The following ASCC3 variants were observed in gnomAD, a reference collection of about 807,000 sequenced individuals.
ASCC3 encodes the protein activating signal cointegrator 1 complex subunit 3.
In ASCC3, 158 loss-of-function variants were observed where a neutral mutation model predicts 256.3. The ratio of observed to expected loss-of-function variants is 0.62; its 90% CI spans 0.54 to 0.70. The LOEUF (loss-of-function observed/expected upper bound fraction) is 0.70, where lower values mean the gene tolerates loss of function less well. ASCC3 is among the 30% of genes least tolerant of loss of function. The pLI, the probability that ASCC3 is intolerant of heterozygous loss-of-function variation, is 0.00. For missense variants in ASCC3, 2,259 were observed against 2,626.0 expected, an observed-to-expected ratio of 0.86 and a Z score of 3.05; for synonymous variants, 948 against 883.4, an observed-to-expected ratio of 1.07 and a Z score of -1.30.
intron 8 of ASCC3, among the ~76,000 whole-genome samples, chr6:100,779,187 T>C (rs1782332699): frequency 2.0e-5 from 3 of 152,096 alleles, no homozygotes; most frequent in Admixed American, 1.3e-4. Context: ...TTCATTAAAA[T>C]AGTAATCAAG....
chr6:100,628,003 A>G lies in ASCC3; in HGVS notation c.4376-16T>C. ...CTTTCCTCCCCTAGAAAATAGGGAA[A>G]AATCAATGTTAATCATTTAACAAGC... is the stretch of plus-strand genomic sequence containing the variant. On this transcript the variant is annotated splice_polypyrimidine_tract_variant and intron_variant, in intron 27 of 41. Transcript: ENST00000369162. 6.2e-7 allele frequency: 1 copy of G among 1,612,860 alleles called. No individual in the cohort carries two copies. Among genetic ancestry groups the G allele is most frequent in the Non-Finnish European group, 8.5e-7 (1 of 1,179,376 alleles).
chr6:100,527,501 T>G (rs908153481), intron 37 of ASCC3, among the ~76,000 whole-genome samples: 1 of 152,288 alleles, frequency 6.6e-6, no homozygotes, highest in Admixed American at 6.5e-5. Flanking sequence ...ATTTAAACTC[T>G]GCAATTCTAA....
chr6:100,647,526 ACT>A lies in ASCC3; in HGVS notation c.3253-77_3253-76del, dbSNP rs1482434694. ...ATTTGTCAATAAATCTATTATTCAA[ACT>A]CAGTCTGAAAAGAAGTGCAAGTCAA... On this transcript the variant is annotated intron_variant, in intron 20 of 41. Coordinates refer to ENST00000369162, the MANE Select transcript of ASCC3 (RefSeq NM_006828.4). The A allele has an allele frequency of 9.8e-6, 13 of 1,329,322 alleles. No homozygotes were observed. In the East Asian group the frequency reaches 2.4e-4, roughly 25 times the overall value. The allele number at this position is 1,329,322 out of a possible 1,614,324, so 82.3% of individuals were successfully genotyped here. A position where few individuals can be genotyped will look rare whatever the true frequency, so the allele number is the denominator to read the frequency against.
intron 11 of ASCC3, among the ~76,000 whole-genome samples, chr6:100,723,464 G>C (rs1193326089): frequency 6.6e-6 from 1 of 151,522 alleles, no homozygotes; most frequent in Non-Finnish European, 1.5e-5. Flanking sequence ...AGCTTTGTTT[G>C]AAACAATTAA....
intron 10 of ASCC3, among the ~76,000 whole-genome samples, chr6:100,737,032 A>G (rs1780203986): frequency 6.6e-6 from 1 of 152,002 alleles, no homozygotes; most frequent in Non-Finnish European, 1.5e-5. Flanking sequence ...CTGTAGTCCC[A>G]GCTACTCGGA....
At chr6:100,622,821 T>C (rs755432090) in intron 30 of ASCC3, among the ~76,000 whole-genome samples, 24 of 152,038 alleles carry the variant, frequency 1.6e-4, no homozygotes, top group Middle Eastern at 3.4e-3. Flanking sequence ...ATAAAAAAAA[T>C]ATGAAACAGA....
chr6:100,799,577 A>T lies in ASCC3; in HGVS notation c.1128-5T>A. 6.2e-7 allele frequency: 1 copy of T among 1,611,208 alleles called. No individual in the cohort carries two copies. Among genetic ancestry groups the T allele is most frequent in the Non-Finnish European group, 8.5e-7 (1 of 1,178,952 alleles). On this transcript the variant is annotated splice_polypyrimidine_tract_variant and splice_region_variant and intron_variant, in intron 6 of 41. Transcript: ENST00000369162. ...GCATTCAGAAGTGCCTGTTCTCTGT[A>T]AACATAAAAATAGGCCTAATTTGAA...
chr6:100,752,257 AT>A (rs527597863), intron 10 of ASCC3, among the ~76,000 whole-genome samples: 176 of 151,952 alleles, frequency 1.2e-3, no homozygotes, highest in African/African-American at 4.1e-3. Context: ...GTTTGTGTTT[AT>A]TTTTTTAAAC....
intron 16 of ASCC3, among the ~76,000 whole-genome samples, chr6:100,657,839 C>T (rs917943324): frequency 2.0e-5 from 3 of 151,286 alleles, no homozygotes; most frequent in African/African-American, 7.3e-5. Flanking sequence ...GATGCTATAC[C>T]TTATTTTGAG....
chr6:100,618,792 G>C (rs1477784731), intron 30 of ASCC3, among the ~76,000 whole-genome samples: 1 of 152,140 alleles, frequency 6.6e-6, no homozygotes, highest in African/African-American at 2.4e-5. Flanking sequence ...ACTTACTTTG[G>C]ATTTTAATTC....
chr6:100,689,549 C>T (rs972254449), intron 13 of ASCC3, among the ~76,000 whole-genome samples: 2 of 152,312 alleles, frequency 1.3e-5, no homozygotes, highest in East Asian at 3.9e-4. Context: ...TTCCTGCTAT[C>T]ATCCAATCAG....
intron 37 of ASCC3, among the ~76,000 whole-genome samples, chr6:100,532,400 ATATATATTTTTTTT>A (rs1774951203): frequency 3.8e-5 from 2 of 52,336 alleles, no homozygotes; most frequent in African/African-American, 8.0e-5. Context: ...ATATATATAT[ATATATATTTTTTTT>A]TTTTTTTTTT....
intron 13 of ASCC3, among the ~76,000 whole-genome samples, chr6:100,706,973 C>A (rs1171809476): frequency 6.6e-6 from 1 of 152,108 alleles, no homozygotes; most frequent in African/African-American, 2.4e-5. Flanking sequence ...TTGGCCTAGG[C>A]ATCTGTAATA....
intron 3 of ASCC3, among the ~76,000 whole-genome samples, chr6:100,855,922 T>C (rs12189857): frequency 0.14 from 21,679 of 152,180 alleles, 1,915 homozygotes; most frequent in Non-Finnish European, 0.2. Context: ...CACTAGTAAC[T>C]GACAGAACTG....
intron 39 of ASCC3, 92 bp from the exon 40 acceptor site, chr6:100,513,010 AC>A: frequency 8.8e-7 from 1 of 1,131,568 alleles, no homozygotes; most frequent in Non-Finnish European, 1.3e-6. Context: ...ACGAAAATTA[AC>A]CTTTTAATGT....
chr6:100,587,169 T>C (rs966568908), intron 36 of ASCC3, among the ~76,000 whole-genome samples: 3 of 152,196 alleles, frequency 2.0e-5, no homozygotes, highest in African/African-American at 7.2e-5. Context: ...ATTATCATCC[T>C]GCACCCTACA....
intron 10 of ASCC3, among the ~76,000 whole-genome samples, chr6:100,728,871 T>C (rs1372316620): frequency 6.6e-6 from 1 of 152,100 alleles, no homozygotes; most frequent in African/African-American, 2.4e-5. Context: ...TGTTAGCATT[T>C]AGGGAAGAAA....
intron 13 of ASCC3, among the ~76,000 whole-genome samples, chr6:100,699,233 A>C (rs1314404685): frequency 6.6e-6 from 1 of 152,160 alleles, no homozygotes; most frequent in Non-Finnish European, 1.5e-5. Flanking sequence ...TGGGACTAAC[A>C]CGGTGGGAGG....
At chr6:100,615,245 T>C (rs968286042) in intron 30 of ASCC3, among the ~76,000 whole-genome samples, 1 of 152,172 alleles carries the variant, frequency 6.6e-6, no homozygotes, top group Admixed American at 6.5e-5. Context: ...AGTGCTGGGA[T>C]TACAGGCATG....
Sources: allele counts gnomAD v4.1 joint callset (sites outside exome capture counted in the v4.1 genomes callset), GRCh38; gene constraint gnomAD v4.1.1; transcripts MANE v1.5; gene names NCBI Gene and HGNC (gene_info 2026-07-23, HGNC 2026-07-21).